Variants in CDK15 observed in about 807,000 individuals in gnomAD.
CDK15 encodes the protein cyclin dependent kinase 15.
Under a neutral mutation model 60.3 loss-of-function variants are expected in CDK15, and 62 were observed. That is an observed-to-expected ratio of 1.03 (90% CI 0.84 to 1.27). The LOEUF is 1.27. Among genes scored for constraint, CDK15 ranks in the 50% most tolerant of loss-of-function variants. The probability of loss-of-function intolerance (pLI) is 0.00; values close to 1 mark genes in which losing one functional copy is unlikely to be tolerated. For missense variants in CDK15, 541 were observed against 527.8 expected, an observed-to-expected ratio of 1.03 and a Z score of -0.25; for synonymous variants, 194 against 195.7, an observed-to-expected ratio of 0.99 and a Z score of 0.07.
At chr2:201,823,049 C>A in intron 5 of CDK15, 146 bp downstream of exon 5, 1 of 599,238 alleles carries the variant, frequency 1.7e-6, no homozygotes, top group East Asian at 2.8e-5. Context: ...TTAGTAGAAC[C>A]TTATTGTTCC....
intron 8 of CDK15, among the ~76,000 whole-genome samples, chr2:201,836,191 T>TATA (rs1553524154): frequency 1.0e-3 from 107 of 106,958 alleles, no homozygotes; most frequent in South Asian, 1.6e-3. Flanking sequence ...ATATATTTTT[T>TATA]TATATATATA....
chr2:201,888,852 A>G (rs1699549459), intron 12 of CDK15: 17 of 1,066,576 alleles, frequency 1.6e-5, no homozygotes, highest in Non-Finnish European at 1.9e-5. Flanking sequence ...AAGTTCCCCA[A>G]ATGGTTTGGA....
intron 6 of CDK15, among the ~76,000 whole-genome samples, chr2:201,825,570 A>G (rs1696442796): frequency 6.6e-6 from 1 of 152,188 alleles, no homozygotes; most frequent in Non-Finnish European, 1.5e-5. Flanking sequence ...TAGAGAAATC[A>G]AATAGGAATG....
chr2:201,881,035 C>T (rs1372484575), intron 12 of CDK15, among the ~76,000 whole-genome samples: 1 of 152,048 alleles, frequency 6.6e-6, no homozygotes, highest in Non-Finnish European at 1.5e-5. Context: ...GGAGGGAGGG[C>T]CTAAGGGCTG....
chr2:201,881,424 A>G (rs1699274251), intron 12 of CDK15, among the ~76,000 whole-genome samples: 1 of 152,216 alleles, frequency 6.6e-6, no homozygotes, highest in Non-Finnish European at 1.5e-5. Flanking sequence ...GAGGAAAACA[A>G]GAGACTTGTC....
intron 11 of CDK15, among the ~76,000 whole-genome samples, chr2:201,873,713 C>A (rs1249987376): frequency 6.6e-6 from 1 of 152,208 alleles, no homozygotes; most frequent in African/African-American, 2.4e-5. Flanking sequence ...TATGTATTCA[C>A]CTTTTCTCAG....
chr2:201,892,482 C>T (rs1424632912), intron 13 of CDK15, among the ~76,000 whole-genome samples: 3 of 152,198 alleles, frequency 2.0e-5, no homozygotes, highest in African/African-American at 4.8e-5. Flanking sequence ...CAAAAAATTG[C>T]TACCTGTAGA....
intron 6 of CDK15, among the ~76,000 whole-genome samples, chr2:201,829,949 A>G (rs1461502439): frequency 6.6e-6 from 1 of 152,088 alleles, no homozygotes; most frequent in East Asian, 1.9e-4. Context: ...CTGGGACTAC[A>G]GGCACCCACC....
At chr2:201,833,215 G>GC (rs1696836068) in intron 6 of CDK15, among the ~76,000 whole-genome samples, 1 of 146,596 alleles carries the variant, frequency 6.8e-6, no homozygotes, top group Admixed American at 6.9e-5. Flanking sequence ...TTTTTGAGGG[G>GC]GGGGGTCTAA....
At chr2:201,818,791 G>C (rs1320615613) in intron 4 of CDK15, among the ~76,000 whole-genome samples, 2 of 152,054 alleles carry the variant, frequency 1.3e-5, no homozygotes, top group Non-Finnish European at 2.9e-5. Context: ...AATCTAATGA[G>C]GGAGACAACT....
Position 201,806,778 on chromosome 2 carries a change from T to C in CDK15, c.114T>C (p.Ala38=). ...CRRSQPETTE[A]AFKLTDLKEA... is the part of the protein sequence containing the mutation. Reference sequence around the variant, plus strand: ...GGAGTCAGCCTGAGACCACGGAGGCTGCGTTCAAGGTATTTGTATCCCAGG... The same window carrying C: ...GGAGTCAGCCTGAGACCACGGAGGCCGCGTTCAAGGTATTTGTATCCCAGG... The change falls in exon 1 of 14, where the codon GCT becomes GCC. Residue 38 remains alanine, a synonymous_variant. Coordinates refer to ENST00000652192, the MANE Select transcript of CDK15 (RefSeq NM_001366386.2). 2 of 1,598,480 alleles carry C rather than the reference T, an allele frequency of 1.3e-6. No individual in the cohort carries two copies. Among genetic ancestry groups the C allele is most frequent in the Admixed American group, 1.7e-5 (1 of 60,006 alleles).
chr2:201,810,633 T>C (rs1695713067), intron 3 of CDK15, among the ~76,000 whole-genome samples: 1 of 152,196 alleles, frequency 6.6e-6, no homozygotes, highest in Admixed American at 6.5e-5. Flanking sequence ...AAATAATTTA[T>C]GTAGATAATA....
At chr2:201,866,010 ATGTG>A (rs72270010) in intron 10 of CDK15, among the ~76,000 whole-genome samples, 22,361 of 139,284 alleles carry the variant, frequency 0.16, 1,690 homozygotes, top group Middle Eastern at 0.22. Context: ...ACATGAGTGA[ATGTG>A]TGTGTGTGTG....
intron 6 of CDK15, among the ~76,000 whole-genome samples, chr2:201,826,654 T>C (rs1696522029): frequency 6.6e-6 from 1 of 152,106 alleles, no homozygotes; most frequent in Non-Finnish European, 1.5e-5. Flanking sequence ...TGTTTTGCAA[T>C]CTCCAGGTTC....
At chr2:201,877,451 A>C (rs1699118871) in intron 11 of CDK15, among the ~76,000 whole-genome samples, 1 of 152,192 alleles carries the variant, frequency 6.6e-6, no homozygotes, top group Non-Finnish European at 1.5e-5. Flanking sequence ...ATATTTAACC[A>C]GAAAGCATGA....
upstream of CDK15, chr2:201,806,435 C>T (rs1443625039): frequency 1.4e-5 from 5 of 351,376 alleles, no homozygotes; most frequent in African/African-American, 2.1e-5. Flanking sequence ...ACAGCTGCCT[C>T]GTTTTCAGTT....
At chr2:201,869,518 TAAAGTAC>T (rs1421340141) in intron 10 of CDK15, among the ~76,000 whole-genome samples, 1 of 150,716 alleles carries the variant, frequency 6.6e-6, no homozygotes, top group Non-Finnish European at 1.5e-5. Flanking sequence ...CCCTAGAACT[TAAAGTAC>T]AATAATGAAA....
At chr2:201,822,692 A>C (rs1574858201) in intron 4 of CDK15, 117 bp from the exon 5 acceptor site, 2 of 577,420 alleles carry the variant, frequency 3.5e-6, no homozygotes, top group East Asian at 5.6e-5. Flanking sequence ...GTTTTCCAGC[A>C]GTAAAATAAC....
intron 6 of CDK15, among the ~76,000 whole-genome samples, chr2:201,825,760 C>T (rs1026138975): frequency 2.6e-5 from 4 of 151,938 alleles, no homozygotes; most frequent in Non-Finnish European, 5.9e-5. Flanking sequence ...GACAGGTAGG[C>T]AAGAGAGTTG....
Sources: allele counts gnomAD v4.1 joint callset (sites outside exome capture counted in the v4.1 genomes callset), GRCh38; gene constraint gnomAD v4.1.1; transcripts MANE v1.5; gene names NCBI Gene and HGNC (gene_info 2026-07-23, HGNC 2026-07-21).